The following DSCAM variants were observed in gnomAD, a reference collection of about 807,000 sequenced individuals.
The protein encoded by DSCAM is cell adhesion molecule DSCAM.
DSCAM carries 47 observed loss-of-function variants against 217.7 expected under a neutral mutation model. The observed-to-expected ratio is 0.22, with a 90% CI of 0.17 to 0.28. The LOEUF (loss-of-function observed/expected upper bound fraction) is 0.28. Among genes scored for constraint, DSCAM ranks in the 10% least tolerant of loss-of-function variants. DSCAM has a pLI of 1.00. For synonymous variants in DSCAM, 1,056 were observed against 1,015.3 expected, an observed-to-expected ratio of 1.04 and a Z score of -0.76; for missense variants, 2,080 against 2,618.3, an observed-to-expected ratio of 0.79 and a Z score of 4.49.
Position 40,080,147 on chromosome 21 carries a change from C to A in DSCAM, c.4420+5G>T. On this transcript the variant is annotated splice_donor_5th_base_variant and intron_variant, in intron 25 of 32. Coordinates refer to ENST00000400454, the MANE Select transcript of DSCAM (RefSeq NM_001389.5). ...TATTAAGAAGCGATGAGAAGGCATA[C>A]CTACCTTTTCCTAAGGTCTTTGCTT... is the stretch of plus-strand genomic sequence containing the variant. 6.6e-7 allele frequency: 1 copy of A among 1,524,386 alleles called. No homozygotes were observed. The highest frequency in any genetic ancestry group is 8.8e-7 in the Non-Finnish European group (1 of 1,132,140). The allele number at this position is 1,524,386 out of a possible 1,614,324, so 94.4% of individuals were successfully genotyped here.
At chr21:40,176,641 CT>C (rs151337940) in intron 15 of DSCAM, among the ~76,000 whole-genome samples, 7,668 of 152,308 alleles carry the variant, frequency 0.05, 488 homozygotes, top group African/African-American at 0.14. Flanking sequence ...GACAAGTTAT[CT>C]GCTGTAGCTT....
chr21:40,117,948 TACAC>T (rs10534527), intron 20 of DSCAM, among the ~76,000 whole-genome samples: 2,203 of 150,528 alleles, frequency 0.015, 50 homozygotes, highest in African/African-American at 0.049. Flanking sequence ...CCAATACGTG[TACAC>T]ACACACACAC....
intron 3 of DSCAM, among the ~76,000 whole-genome samples, chr21:40,630,478 T>C (rs1305551064): frequency 6.6e-6 from 1 of 152,182 alleles, no homozygotes; most frequent in Non-Finnish European, 1.5e-5. Context: ...TTTGTATTTT[T>C]AGTAAAGACA....
chr21:40,281,746 T>C (rs541323007), intron 10 of DSCAM, among the ~76,000 whole-genome samples: 186 of 152,348 alleles, frequency 1.2e-3, no homozygotes, highest in African/African-American at 4.4e-3. Flanking sequence ...TTTCTGTTTA[T>C]AGATAATTTT....
At chr21:40,256,678 G>C (rs866149346) in intron 11 of DSCAM, among the ~76,000 whole-genome samples, 72 of 152,106 alleles carry the variant, frequency 4.7e-4, no homozygotes, top group African/African-American at 1.7e-3. Flanking sequence ...CATTATGAAG[G>C]ATAATCTACT....
intron 1 of DSCAM, among the ~76,000 whole-genome samples, chr21:40,799,760 T>G (rs544740204): frequency 6.6e-6 from 1 of 152,254 alleles, no homozygotes; most frequent in Non-Finnish European, 1.5e-5. Context: ...CTTTCTCTTT[T>G]AAAGATTCTT....
chr21:40,068,698 AG>A (rs1483404238), intron 27 of DSCAM, among the ~76,000 whole-genome samples: 1 of 152,208 alleles, frequency 6.6e-6, no homozygotes, highest in Non-Finnish European at 1.5e-5. Context: ...GGAGTAGGGT[AG>A]GGAGATTGAT....
chr21:40,655,249 C>A (rs910618953), intron 3 of DSCAM, among the ~76,000 whole-genome samples: 5 of 152,138 alleles, frequency 3.3e-5, no homozygotes, highest in African/African-American at 7.2e-5. Flanking sequence ...TAACAAAACA[C>A]AAGAGACCAG....
Position 40,443,195 on chromosome 21 carries a change from C to G in DSCAM, c.509-73950G>C, listed in dbSNP as rs201638124. On this transcript the variant is annotated intron_variant, in intron 3 of 32. Coordinates refer to ENST00000400454, the MANE Select transcript of DSCAM (RefSeq NM_001389.5). Reference sequence around the variant, plus strand: ...TAATTCGCTTAATCAATTTCTTTTACCAGCATGAAATGCTAACTCATTCCA... The same window carrying G: ...TAATTCGCTTAATCAATTTCTTTTAGCAGCATGAAATGCTAACTCATTCCA... 2.8e-4 allele frequency among the ~76,000 whole-genome samples: 42 copies of G among 152,290 alleles called. No individual in the cohort carries two copies. In the East Asian group the frequency reaches 7.7e-3, roughly 28 times the overall value.
chr21:40,497,912 A>G (rs1283090792), intron 3 of DSCAM, among the ~76,000 whole-genome samples: 1 of 152,238 alleles, frequency 6.6e-6, no homozygotes, highest in African/African-American at 2.4e-5. Context: ...ATTGGTCAAA[A>G]TAACGTGGAT....
chr21:40,243,580 T>A (rs547901975), intron 11 of DSCAM, among the ~76,000 whole-genome samples: 5 of 152,324 alleles, frequency 3.3e-5, no homozygotes, highest in African/African-American at 1.2e-4. Flanking sequence ...CGGTTTTTTC[T>A]GAGTGTGGGG....
At chr21:40,088,657 A>T (rs1421907414) in intron 21 of DSCAM, among the ~76,000 whole-genome samples, 1 of 152,218 alleles carries the variant, frequency 6.6e-6, no homozygotes, top group African/African-American at 2.4e-5. Context: ...CTGATTTTGC[A>T]TCATGATAAC....
chr21:40,508,783 ATTTTTTTTT>A (rs1178142732), intron 3 of DSCAM, among the ~76,000 whole-genome samples: 1 of 24,216 alleles, frequency 4.1e-5, no homozygotes, highest in Non-Finnish European at 6.8e-5. Flanking sequence ...ATATATATAT[ATTTTTTTTT>A]TTTTTTTTTT....
chr21:40,529,374 C>T (rs1045545174), intron 3 of DSCAM, among the ~76,000 whole-genome samples: 4 of 152,094 alleles, frequency 2.6e-5, no homozygotes, highest in Non-Finnish European at 2.9e-5. Flanking sequence ...TCTTAGTGGC[C>T]GTTAAATAGT....
intron 1 of DSCAM, among the ~76,000 whole-genome samples, chr21:40,710,826 G>T (rs1416577471): frequency 6.6e-6 from 1 of 152,226 alleles, no homozygotes; most frequent in Non-Finnish European, 1.5e-5. Flanking sequence ...TTACATATTT[G>T]TAAGAGAGAA....
intron 3 of DSCAM, among the ~76,000 whole-genome samples, chr21:40,388,967 C>T (rs943204175): frequency 3.0e-4 from 45 of 152,042 alleles, no homozygotes; most frequent in African/African-American, 1.1e-3. Flanking sequence ...AGTGTAACTA[C>T]CCTGTGCCAT....
At chr21:40,360,778 A>G (rs2074754252) in intron 4 of DSCAM, among the ~76,000 whole-genome samples, 1 of 152,190 alleles carries the variant, frequency 6.6e-6, no homozygotes, top group Non-Finnish European at 1.5e-5. Context: ...TGAACATACA[A>G]GTGCATATGT....
chr21:40,308,096 T>TA (rs1211017939), intron 9 of DSCAM, among the ~76,000 whole-genome samples: 1 of 151,624 alleles, frequency 6.6e-6, no homozygotes, highest in Non-Finnish European at 1.5e-5. Flanking sequence ...TAAAATAAAA[T>TA]AAAAAAACAC....
chr21:40,261,409 C>CCATCCATT (rs1325944429), intron 11 of DSCAM, among the ~76,000 whole-genome samples: 2 of 152,100 alleles, frequency 1.3e-5, no homozygotes, highest in Non-Finnish European at 1.5e-5. Flanking sequence ...GGGCCTCATC[C>CCATCCATT]CATCCATTTA....
Sources: allele counts gnomAD v4.1 joint callset (sites outside exome capture counted in the v4.1 genomes callset), GRCh38; gene constraint gnomAD v4.1.1; transcripts MANE v1.5; gene names NCBI Gene and HGNC (gene_info 2026-07-23, HGNC 2026-07-21).